The following KDM4B variants were observed in gnomAD, a reference collection of about 807,000 sequenced individuals.
The protein encoded by KDM4B is lysine-specific demethylase 4B.
KDM4B carries 32 observed loss-of-function variants against 125.2 expected under a neutral mutation model. The ratio of observed to expected loss-of-function variants is 0.26; its 90% CI spans 0.19 to 0.34. The LOEUF is 0.34. Among genes scored for constraint, KDM4B ranks in the 10% least tolerant of loss-of-function variants. The probability of loss-of-function intolerance (pLI) is 1.00; values close to 1 mark genes in which losing one functional copy is unlikely to be tolerated. For synonymous variants in KDM4B, 721 were observed against 677.9 expected (o/e 1.06, Z -0.99); for missense variants, 1,190 against 1,577.7 (o/e 0.75, Z 4.16).
At chr19:5,126,493 T>C (rs2039451651) in intron 11 of KDM4B, among the ~76,000 whole-genome samples, 2 of 152,190 alleles carry the variant, frequency 1.3e-5, no homozygotes, top group African/African-American at 4.8e-5. Context: ...CCAGGAGGGC[T>C]GGCATAGTGC....
At chr19:5,135,177 G>A (rs1439006650) in intron 14 of KDM4B, among the ~76,000 whole-genome samples, 162 bp from the exon 15 acceptor site, 1 of 152,216 alleles carries the variant, frequency 6.6e-6, no homozygotes, top group Non-Finnish European at 1.5e-5. Flanking sequence ...TTCTGGAGGA[G>A]TGAGAAGAGG....
chr19:5,083,703 C>A (rs2038377476), intron 9 of KDM4B, among the ~76,000 whole-genome samples: 1 of 152,206 alleles, frequency 6.6e-6, no homozygotes, highest in Admixed American at 6.5e-5. Context: ...CAGCCTCAGC[C>A]CCTCCCGGCG....
chr19:5,119,608 TC>T, intron 10 of KDM4B, 44 bp from the exon 11 acceptor site: 1 of 1,519,266 alleles, frequency 6.6e-7, no homozygotes. Context: ...CTAGGGCTCT[TC>T]CCTCCCTGGT....
chr19:5,135,480 C>G lies in KDM4B; in HGVS notation c.2227C>G (p.Leu743Val). The change falls in exon 15 of 23, where the codon CTG (leucine) becomes GTG (valine). Residue 743 changes from leucine (L) to valine (V), a missense_variant. Physicochemically the swap from Leu to Val is conservative, Grantham distance 32. Transcript: ENST00000159111. ...CTCTGGCGGTGAGAACACGGAGCCGCTGCCTGCCAACTCCTACATCGGCGA... is the reference window on the plus strand; with the variant it reads ...CTCTGGCGGTGAGAACACGGAGCCGGTGCCTGCCAACTCCTACATCGGCGA... Reference protein sequence around the residue: ...FTSGGENTEPLPANSYIGDDG... With the variant: ...FTSGGENTEPVPANSYIGDDG... The G allele has an allele frequency of 6.2e-7, 1 of 1,613,190 alleles. No individual in the cohort carries two copies. Among genetic ancestry groups the G allele is most frequent in the South Asian group, 1.1e-5 (1 of 91,074 alleles).
intron 1 of KDM4B, among the ~76,000 whole-genome samples, chr19:4,987,066 C>A (rs1364185478): frequency 6.6e-6 from 1 of 151,912 alleles, no homozygotes; most frequent in Non-Finnish European, 1.5e-5. Context: ...TCAAGCGATT[C>A]TCCTGCCTCA....
chr19:5,037,602 C>T (rs967584282), intron 3 of KDM4B, among the ~76,000 whole-genome samples: 1 of 152,204 alleles, frequency 6.6e-6, no homozygotes, highest in African/African-American at 2.4e-5. Flanking sequence ...TTGGGACCGG[C>T]CTCATCTTGG....
intron 9 of KDM4B, among the ~76,000 whole-genome samples, chr19:5,084,495 A>T (rs1255734400): frequency 1.6e-5 from 2 of 127,634 alleles, no homozygotes; most frequent in Non-Finnish European, 3.2e-5. Context: ...ATATGTTATA[A>T]TTTATATATT....
intron 9 of KDM4B, among the ~76,000 whole-genome samples, chr19:5,097,469 C>G (rs192310373): frequency 6.6e-6 from 1 of 152,282 alleles, no homozygotes; most frequent in East Asian, 1.9e-4. Flanking sequence ...TCCAGGCTGG[C>G]CTTGAACTCC....
intron 9 of KDM4B, among the ~76,000 whole-genome samples, chr19:5,096,819 G>A (rs1227204979): frequency 2.6e-5 from 4 of 151,762 alleles, no homozygotes; most frequent in African/African-American, 7.3e-5. Flanking sequence ...TGCCCCCGGC[G>A]GTGTCGGTGG....
chr19:5,061,977 C>T (rs1053144539), intron 6 of KDM4B, among the ~76,000 whole-genome samples: 4 of 152,228 alleles, frequency 2.6e-5, no homozygotes, highest in African/African-American at 4.8e-5. Context: ...ATTTCTGCAG[C>T]GGTGGCATCT....
chr19:4,978,655 G>A (rs2034537052), intron 1 of KDM4B, among the ~76,000 whole-genome samples: 1 of 152,090 alleles, frequency 6.6e-6, no homozygotes, highest in Non-Finnish European at 1.5e-5. Flanking sequence ...AGCAGAGCCT[G>A]CTTCTCAGCT....
rs2039543680 is a variant in KDM4B, at chr19:5,131,453, G to A, written c.1693G>A (p.Val565Ile). Reference protein sequence around the residue: ...AQKGPTWKEPVSPMELTGPED... With the variant: ...AQKGPTWKEPISPMELTGPED... ...GAAGGGTCCGACCTGGAAGGAACCA[G>A]TTTCCCCCATGGAGCTGACGGGGCC... The change falls in exon 12 of 23, where the codon GTT becomes ATT. Residue 565 changes from valine to isoleucine, a missense_variant. By Grantham distance (29) the Val-to-Ile change is conservative. Around this residue, in one of 7 missense-constraint regions of KDM4B, gnomAD observed 428 missense variants for 405.1 expected, o/e 1.06. Coordinates refer to ENST00000159111, the MANE Select transcript of KDM4B (RefSeq NM_015015.3). 3 of 1,605,702 alleles carry A rather than the reference G, an allele frequency of 1.9e-6. No homozygotes were observed. The highest frequency in any genetic ancestry group is 2.5e-6 in the Non-Finnish European group (3 of 1,178,386).
intron 1 of KDM4B, among the ~76,000 whole-genome samples, chr19:5,001,380 T>C (rs2035379536): frequency 6.6e-6 from 1 of 152,196 alleles, no homozygotes; most frequent in South Asian, 2.1e-4. Flanking sequence ...TTTAGCTGTG[T>C]GTCCTGGAAA....
intron 1 of KDM4B, among the ~76,000 whole-genome samples, chr19:5,000,488 C>T (rs1267205783): frequency 6.6e-6 from 1 of 151,952 alleles, no homozygotes; most frequent in Non-Finnish European, 1.5e-5. Context: ...CACACTGAAA[C>T]CTCTAGTTCC....
At chr19:4,972,020 A>T (rs1039809376) in intron 1 of KDM4B, among the ~76,000 whole-genome samples, 1 of 151,982 alleles carries the variant, frequency 6.6e-6, no homozygotes, top group Non-Finnish European at 1.5e-5. Flanking sequence ...CCACAGCCTC[A>T]CCCTAGGCTC....
At chr19:5,020,240 ATGT>A (rs1401389333) in intron 2 of KDM4B, among the ~76,000 whole-genome samples, 1 of 128,100 alleles carries the variant, frequency 7.8e-6, no homozygotes, top group South Asian at 2.6e-4. Context: ...GGTGTTGTTG[ATGT>A]TGGTGTGGGT....
intron 9 of KDM4B, among the ~76,000 whole-genome samples, chr19:5,104,655 T>C (rs1369652971): frequency 6.6e-6 from 1 of 152,162 alleles, no homozygotes; most frequent in Non-Finnish European, 1.5e-5. Context: ...ACCTCATGTG[T>C]GTCCCTCGGG....
intron 1 of KDM4B, among the ~76,000 whole-genome samples, chr19:4,983,208 T>G (rs2034708336): frequency 6.6e-6 from 1 of 151,424 alleles, no homozygotes; most frequent in Non-Finnish European, 1.5e-5. Flanking sequence ...CCTACGTGGT[T>G]GATCATTTGG....
intron 6 of KDM4B, among the ~76,000 whole-genome samples, chr19:5,049,745 A>G (rs1367075813): frequency 6.6e-6 from 1 of 152,112 alleles, no homozygotes; most frequent in South Asian, 2.1e-4. Context: ...ACTACGGGCT[A>G]TCAGTCCTCC....
Sources: gnomAD v4.1 joint callset for allele counts (sites outside exome capture counted in the v4.1 genomes callset) on GRCh38, gnomAD v4.1.1 for gene constraint, gnomAD v4.1.1 regional missense constraint, MANE v1.5 for transcripts, NCBI Gene and HGNC (gene_info 2026-07-23, HGNC 2026-07-21) for gene names.